GRIK1: variants seen among roughly 807,000 people sequenced by gnomAD.
GRIK1 encodes glutamate receptor ionotropic, kainate 1.
In GRIK1, 69 loss-of-function variants were observed where a neutral mutation model predicts 105.7. The observed-to-expected ratio is 0.65, with a 90% confidence interval of 0.54 to 0.80. The LOEUF is 0.80. Ranked by LOEUF, GRIK1 falls within the 30% of genes least tolerant of loss-of-function variation. GRIK1 has a pLI of 0.00. For missense variants in GRIK1, 1,109 were observed against 1,167.3 expected (o/e 0.95, Z 0.73); for synonymous variants, 438 against 431.3 (o/e 1.02, Z -0.19).
At chr21:29,888,056 A>G (rs536466447) in intron 1 of GRIK1, among the ~76,000 whole-genome samples, 155 of 151,824 alleles carry the variant, frequency 1.0e-3, no homozygotes, top group African/African-American at 2.8e-3. Flanking sequence ...GCTTCCCCCA[A>G]CAACCTCAAA....
In GRIK1 at chr21:29,555,155, A is replaced by G. The variant is rs757375532; in HGVS notation, c.2504T>C (p.Ile835Thr). ...AGCCAGAACAATGAAGATGCCTCCAATATTTTCCACTCCCAGGGCACTGGC... is the reference window on the plus strand; with the variant it reads ...AGCCAGAACAATGAAGATGCCTCCAGTATTTTCCACTCCCAGGGCACTGGC... The part of the protein sequence containing the change: ...KEASALGVEN[I>T]GGIFIVLAAG... The change falls in exon 16 of 18, where the codon ATT becomes ACT. Residue 835 changes from isoleucine (I) to threonine (T), a missense_variant. Transcript: ENST00000327783. 1.9e-6 allele frequency: 3 copies of G among 1,613,944 alleles called. No individual in the cohort carries two copies. Among genetic ancestry groups the G allele is most frequent in the Middle Eastern group, 1.6e-4 (1 of 6,062 alleles).
At chr21:29,848,687 G>A (rs538239274) in intron 1 of GRIK1, among the ~76,000 whole-genome samples, 2 of 147,440 alleles carry the variant, frequency 1.4e-5, no homozygotes, top group South Asian at 2.1e-4. Flanking sequence ...CCTGGCATTT[G>A]CATACCGTTT....
At chr21:29,908,753 A>C (rs1429882361) in intron 1 of GRIK1, among the ~76,000 whole-genome samples, 1 of 152,184 alleles carries the variant, frequency 6.6e-6, no homozygotes, top group African/African-American at 2.4e-5. Context: ...AGAGATAAAC[A>C]ATTACAACTC....
At chr21:29,828,758 A>C (rs979540583) in intron 1 of GRIK1, among the ~76,000 whole-genome samples, 8 of 152,220 alleles carry the variant, frequency 5.3e-5, no homozygotes, top group African/African-American at 1.9e-4. Context: ...CTTGGCCTTC[A>C]AAAGTGCTAG....
intron 1 of GRIK1, among the ~76,000 whole-genome samples, chr21:29,828,670 T>C (rs2067543854): frequency 6.6e-6 from 1 of 151,868 alleles, no homozygotes; most frequent in African/African-American, 2.4e-5. Context: ...CCCAGCTAAT[T>C]AAAAAAATTT....
intron 9 of GRIK1, among the ~76,000 whole-genome samples, chr21:29,591,912 A>G (rs1443384451): frequency 6.6e-6 from 1 of 152,060 alleles, no homozygotes; most frequent in Non-Finnish European, 1.5e-5. Context: ...TTAGCCAGGC[A>G]TGATGGTGCA....
In GRIK1 at chr21:29,926,105, T is replaced by TA. The variant is rs10587669; in HGVS notation, c.118+13277dup. Among the ~76,000 whole-genome samples the TA allele has an allele frequency of 2.9e-3, 437 of 148,256 alleles. 2 individuals are homozygous for TA. Among genetic ancestry groups the TA allele is most frequent in the Non-Finnish European group, 4.1e-3 (278 of 67,034 alleles). On this transcript the variant is annotated intron_variant, in intron 1 of 17. Coordinates refer to ENST00000327783, the MANE Select transcript of GRIK1 (RefSeq NM_001330994.2). ...CAGAAATACCTAGATCATAAAAAGC[T>TA]AAAAAAAAAAAAAAAACTTGCAAGG...
intron 1 of GRIK1, among the ~76,000 whole-genome samples, chr21:29,917,945 C>A (rs1248641717): frequency 5.9e-5 from 9 of 151,898 alleles, no homozygotes; most frequent in Admixed American, 5.9e-4. Context: ...AACACACACA[C>A]TTTAATATGC....
intron 1 of GRIK1, among the ~76,000 whole-genome samples, chr21:29,880,054 A>C (rs2069347013): frequency 6.6e-6 from 1 of 152,122 alleles, no homozygotes; most frequent in African/African-American, 2.4e-5. Context: ...TCAGAATACG[A>C]TTTGTATAAT....
chr21:29,689,546 C>A (rs2063546045), intron 3 of GRIK1, among the ~76,000 whole-genome samples, 182 bp downstream of exon 3: 1 of 152,046 alleles, frequency 6.6e-6, no homozygotes, highest in Non-Finnish European at 1.5e-5. Flanking sequence ...AAAGGATCAA[C>A]AAACAAAAAG....
intron 8 of GRIK1, among the ~76,000 whole-genome samples, chr21:29,597,395 C>A (rs2061435610): frequency 6.6e-6 from 1 of 152,210 alleles, no homozygotes; most frequent in Admixed American, 6.5e-5. Context: ...TCTATTTCAT[C>A]ATTCACCTAG....
intron 7 of GRIK1, among the ~76,000 whole-genome samples, chr21:29,616,905 A>G (rs995274422): frequency 6.6e-6 from 1 of 152,228 alleles, no homozygotes; most frequent in Non-Finnish European, 1.5e-5. Context: ...AGTTGTTTCA[A>G]TAACATTACA....
chr21:29,578,552 C>T (rs928076216), intron 13 of GRIK1, among the ~76,000 whole-genome samples: 3 of 152,174 alleles, frequency 2.0e-5, no homozygotes, highest in African/African-American at 7.2e-5. Flanking sequence ...TCTCCTAATG[C>T]TATTACGTAT....
At chr21:29,823,044 T>C (rs562386373) in intron 1 of GRIK1, among the ~76,000 whole-genome samples, 2 of 152,094 alleles carry the variant, frequency 1.3e-5, no homozygotes, top group South Asian at 2.1e-4. Flanking sequence ...CTGGATAAGG[T>C]GCTTCAACAT....
chr21:29,562,227 ATTC>A (rs1175196114), intron 14 of GRIK1, among the ~76,000 whole-genome samples: 1 of 152,166 alleles, frequency 6.6e-6, no homozygotes, highest in African/African-American at 2.4e-5. Context: ...TTGATCTAGC[ATTC>A]TTCTGCTGGG....
chr21:29,626,350 C>T (rs1053107737), intron 7 of GRIK1, among the ~76,000 whole-genome samples: 1 of 152,222 alleles, frequency 6.6e-6, no homozygotes, highest in African/African-American at 2.4e-5. Flanking sequence ...GGTCCCACCA[C>T]TTAACGCTGT....
At chr21:29,698,128 G>C (rs1295952528) in intron 1 of GRIK1, among the ~76,000 whole-genome samples, 2 of 151,442 alleles carry the variant, frequency 1.3e-5, no homozygotes, top group East Asian at 3.9e-4. Context: ...CTGTCAATGA[G>C]ACGTCTGAAG....
chr21:29,615,937 T>C (rs1196901958), intron 7 of GRIK1, among the ~76,000 whole-genome samples: 1 of 152,216 alleles, frequency 6.6e-6, no homozygotes, highest in Non-Finnish European at 1.5e-5. Context: ...AAGTCTTCTA[T>C]AACCTAAAGA....
chr21:29,685,000 TTATC>T (rs1213475110), intron 3 of GRIK1, among the ~76,000 whole-genome samples: 8 of 152,218 alleles, frequency 5.3e-5, no homozygotes, highest in Non-Finnish European at 8.8e-5. Context: ...ATGTATCTAT[TTATC>T]TATCTACCTA....
Sources: allele counts gnomAD v4.1 joint callset (sites outside exome capture counted in the v4.1 genomes callset), GRCh38; gene constraint gnomAD v4.1.1; transcripts MANE v1.5; gene names NCBI Gene and HGNC (gene_info 2026-07-23, HGNC 2026-07-21).